AGMO: variants seen among roughly 807,000 people sequenced by gnomAD.
The protein encoded by AGMO is glyceryl-ether monooxygenase.
AGMO carries 75 observed loss-of-function variants against 60.2 expected under a neutral mutation model. The ratio of observed to expected loss-of-function variants is 1.25; its 90% CI spans 1.03 to 1.51. AGMO has a LOEUF of 1.51. AGMO is among the 40% of genes most tolerant of loss of function. The pLI is 0.00. For synonymous variants in AGMO, 261 were observed against 177.1 expected (o/e 1.47, Z -3.76); for missense variants, 763 against 525.5 (o/e 1.45, Z -4.42).
At chr7:15,504,550 C>T (rs1046550506) in intron 3 of AGMO, among the ~76,000 whole-genome samples, 1 of 151,986 alleles carries the variant, frequency 6.6e-6, no homozygotes. Context: ...CACTGTCGCT[C>T]AACTGATCAT....
intron 12 of AGMO, among the ~76,000 whole-genome samples, chr7:15,244,612 C>T (rs1430427383): frequency 6.6e-6 from 1 of 151,638 alleles, no homozygotes; most frequent in Non-Finnish European, 1.5e-5. Context: ...TAATCAAAGA[C>T]AATAAAGTAT....
At chr7:15,561,371 A>G (rs193244989) in intron 1 of AGMO, among the ~76,000 whole-genome samples, 11 of 152,350 alleles carry the variant, frequency 7.2e-5, no homozygotes, top group Admixed American at 7.2e-4. Context: ...GAAAGATTTA[A>G]AAATGAAATT....
chr7:15,374,377 A>AAT (rs1381664892), intron 10 of AGMO, among the ~76,000 whole-genome samples: 1 of 152,188 alleles, frequency 6.6e-6, no homozygotes, highest in Non-Finnish European at 1.5e-5. Context: ...TGGCTAAAAA[A>AAT]GTATAATTAA....
At chr7:15,382,294 C>A (rs928041673) in intron 10 of AGMO, among the ~76,000 whole-genome samples, 1 of 152,162 alleles carries the variant, frequency 6.6e-6, no homozygotes, top group African/African-American at 2.4e-5. Flanking sequence ...CAAAACATAT[C>A]TCCCATTTCT....
the AGMO span, among the ~76,000 whole-genome samples, chr7:15,122,105 C>T: frequency 1.2e-4 from 18 of 152,044 alleles, no homozygotes; most frequent in East Asian, 1.7e-3. Context: ...GAAACTATCA[C>T]CAAAGTGAAC....
chr7:15,252,126 G>T (rs1411033006), intron 12 of AGMO, among the ~76,000 whole-genome samples: 1 of 152,094 alleles, frequency 6.6e-6, no homozygotes, highest in Non-Finnish European at 1.5e-5. Flanking sequence ...GAGGAAAGGG[G>T]GTTTGTTAAC....
At chr7:15,183,075 A>C in the AGMO span, among the ~76,000 whole-genome samples, 6 of 151,830 alleles carry the variant, frequency 4.0e-5, no homozygotes, top group Non-Finnish European at 7.4e-5. Context: ...TTGACATGAG[A>C]TTTGGGAGGG....
At chr7:15,503,633 G>T (rs890823327) in intron 3 of AGMO, among the ~76,000 whole-genome samples, 19 of 152,102 alleles carry the variant, frequency 1.2e-4, no homozygotes, top group African/African-American at 4.6e-4. Context: ...GCGTCCATTT[G>T]TCTGTATTCC....
chr7:15,172,855 C>T, the AGMO span, among the ~76,000 whole-genome samples: 95 of 152,156 alleles, frequency 6.2e-4, no homozygotes, highest in Admixed American at 2.4e-3. Context: ...TTTCCCTAGC[C>T]TCATTTTCAT....
intron 12 of AGMO, among the ~76,000 whole-genome samples, chr7:15,357,068 G>C (rs1470452289): frequency 1.3e-5 from 2 of 151,004 alleles, no homozygotes; most frequent in East Asian, 3.9e-4. Flanking sequence ...AGGATGCAGT[G>C]AGCCAAGATT....
chr7:15,369,168 C>T (rs1783102195), intron 10 of AGMO, among the ~76,000 whole-genome samples: 2 of 151,738 alleles, frequency 1.3e-5, no homozygotes, highest in Non-Finnish European at 2.9e-5. Context: ...CAATTAATAC[C>T]CTATTCCACC....
chr7:15,235,700 G>A (rs1782397768), intron 12 of AGMO, among the ~76,000 whole-genome samples: 1 of 152,134 alleles, frequency 6.6e-6, no homozygotes, highest in Admixed American at 6.5e-5. Flanking sequence ...AATAGCTGTA[G>A]ACCTTTGGGG....
intron 5 of AGMO, among the ~76,000 whole-genome samples, chr7:15,413,664 T>A (rs1360927010): frequency 6.6e-6 from 1 of 152,094 alleles, no homozygotes; most frequent in Admixed American, 6.5e-5. Flanking sequence ...GAGATAAACT[T>A]TTTAAAGTAC....
At chr7:15,553,852 G>A (rs1202686349) in intron 2 of AGMO, among the ~76,000 whole-genome samples, 1 of 151,904 alleles carries the variant, frequency 6.6e-6, no homozygotes, top group East Asian at 1.9e-4. Context: ...AACACAAATC[G>A]AGCTGAAATA....
intron 12 of AGMO, among the ~76,000 whole-genome samples, chr7:15,355,419 C>T (rs991166717): frequency 1.4e-5 from 2 of 140,678 alleles, no homozygotes; most frequent in African/African-American, 2.7e-5. Flanking sequence ...AGGAGAACAG[C>T]GTGAACCTGG....
rs1782892136 is a variant in AGMO, at chr7:15,364,531, T to C, written c.1263+983A>G. ...CAAATAGTCCTCCATTCATGGCCTTTAAGTTGTTGCTAATCTTACGTCATG... is the reference window on the plus strand; with the variant it reads ...CAAATAGTCCTCCATTCATGGCCTTCAAGTTGTTGCTAATCTTACGTCATG... On this transcript the variant is annotated intron_variant, in intron 12 of 12. Transcript: ENST00000342526. Among the ~76,000 whole-genome samples the C allele has an allele frequency of 2.6e-5, 4 of 152,044 alleles. No individual in the cohort carries two copies. The South Asian group carries it at 8.3e-4, about 32-fold the overall frequency.
intron 12 of AGMO, among the ~76,000 whole-genome samples, chr7:15,286,775 C>A (rs1039632428): frequency 6.6e-6 from 1 of 152,070 alleles, no homozygotes; most frequent in Non-Finnish European, 1.5e-5. Flanking sequence ...TCTGCATATA[C>A]ATGTTTGTTA....
intron 12 of AGMO, among the ~76,000 whole-genome samples, chr7:15,248,214 A>ATATATATATATATATATG (rs1402723880): frequency 0.012 from 841 of 71,112 alleles, 109 homozygotes; most frequent in Non-Finnish European, 0.019. Flanking sequence ...ATATATATAT[A>ATATATATATATATATATG]TATATATATA....
At chr7:15,206,062 G>C (rs2115470606) in intron 12 of AGMO, among the ~76,000 whole-genome samples, 1 of 151,918 alleles carries the variant, frequency 6.6e-6, no homozygotes, top group East Asian at 1.9e-4. Context: ...TTTTTTTTGA[G>C]ATGACCATTG....
Sources: allele counts gnomAD v4.1 joint callset (sites outside exome capture counted in the v4.1 genomes callset), GRCh38; gene constraint gnomAD v4.1.1; transcripts MANE v1.5; gene names NCBI Gene and HGNC (gene_info 2026-07-23, HGNC 2026-07-21).